COX7B2: variants seen among roughly 807,000 people sequenced by gnomAD.
COX7B2 encodes the protein cytochrome c oxidase subunit 7B2, also known as cytochrome c oxidase subunit 7B2, mitochondrial.
For synonymous variants in COX7B2, 37 were observed against 32.1 expected (o/e 1.15, Z -0.51); for missense variants, 109 against 95.9 (o/e 1.14, Z -0.57).
chr4:46,816,438 T>C (rs933644445), intron 2 of COX7B2, among the ~76,000 whole-genome samples: 2 of 152,290 alleles, frequency 1.3e-5, no homozygotes, highest in Admixed American at 1.3e-4. Context: ...TGAACTGAAG[T>C]TCTTCTTTAA....
chr4:46,907,024 G>A (rs565632037), intron 1 of COX7B2, among the ~76,000 whole-genome samples: 2 of 152,232 alleles, frequency 1.3e-5, no homozygotes, highest in African/African-American at 4.8e-5. Flanking sequence ...TGCCTTTAAC[G>A]TCATCCCTTA....
intron 2 of COX7B2, among the ~76,000 whole-genome samples, chr4:46,759,710 G>C (rs1288177490): frequency 6.6e-6 from 1 of 151,912 alleles, no homozygotes; most frequent in Non-Finnish European, 1.5e-5. Context: ...ATGCTGGAGA[G>C]GATGTGGGGA....
chr4:46,821,665 T>C (rs1714301054), intron 2 of COX7B2, among the ~76,000 whole-genome samples: 1 of 152,236 alleles, frequency 6.6e-6, no homozygotes, highest in South Asian at 2.1e-4. Context: ...GTGTAAACAG[T>C]ATAAAATCTG....
rs200639117 is a variant in COX7B2 at position 46,735,235 on chromosome 4, A to C, written c.-43T>G. The stretch of plus-strand genomic sequence containing the variant: ...TTCAGCTACTGGTCTATTTTGTTGC[A>C]AAGAGGCTGGAAAGAGAGAAAAGAT... On this transcript the variant is annotated 5_prime_UTR_variant, in exon 3 of 3. Coordinates refer to ENST00000355591, the MANE Select transcript of COX7B2 (RefSeq NM_130902.3). The C allele has an allele frequency of 1.1e-5, 17 of 1,606,914 alleles. No homozygotes were observed. The highest frequency in any genetic ancestry group is 6.7e-5 in the South Asian group (6 of 89,668).
At chr4:46,806,986 G>T (rs531405907) in intron 2 of COX7B2, among the ~76,000 whole-genome samples, 1 of 152,086 alleles carries the variant, frequency 6.6e-6, no homozygotes, top group South Asian at 2.1e-4. Flanking sequence ...ACATGGGAGT[G>T]CAGATGTCTT....
intron 2 of COX7B2, among the ~76,000 whole-genome samples, chr4:46,825,025 T>C (rs956467480): frequency 1.3e-5 from 2 of 151,638 alleles, no homozygotes; most frequent in African/African-American, 2.4e-5. Context: ...ATATTGGAAG[T>C]CCTAACAAGA....
chr4:46,839,038 G>T (rs573523208), intron 2 of COX7B2, among the ~76,000 whole-genome samples: 1 of 151,876 alleles, frequency 6.6e-6, no homozygotes, highest in African/African-American at 2.4e-5. Flanking sequence ...TTTATTTTAG[G>T]AATATTTTCT....
intron 2 of COX7B2, among the ~76,000 whole-genome samples, chr4:46,740,308 A>T (rs969276092): frequency 6.6e-6 from 1 of 152,108 alleles, no homozygotes; most frequent in Non-Finnish European, 1.5e-5. Context: ...GTTTCAGGAC[A>T]ATGTTAACTG....
intron 2 of COX7B2, among the ~76,000 whole-genome samples, chr4:46,837,274 T>TACACACACACACACAC (rs33927124): frequency 7.5e-6 from 1 of 133,260 alleles, no homozygotes; most frequent in Non-Finnish European, 1.7e-5. Context: ...CACAAAGACA[T>TACACACACACACACAC]ACACACACAC....
chr4:46,850,767 T>C (rs914156160), intron 1 of COX7B2, among the ~76,000 whole-genome samples: 1 of 152,120 alleles, frequency 6.6e-6, no homozygotes, highest in Non-Finnish European at 1.5e-5. Context: ...GCCAATACTA[T>C]GCTCAGCTAC....
intron 2 of COX7B2, among the ~76,000 whole-genome samples, chr4:46,825,981 T>C (rs1176950752): frequency 6.6e-6 from 1 of 152,178 alleles, no homozygotes; most frequent in African/African-American, 2.4e-5. Context: ...AAAGATTTCA[T>C]GACAAAGATG....
At chr4:46,766,471 G>A (rs1271393424) in intron 2 of COX7B2, among the ~76,000 whole-genome samples, 4 of 151,968 alleles carry the variant, frequency 2.6e-5, no homozygotes, top group African/African-American at 9.7e-5. Flanking sequence ...AAGCCAAGGC[G>A]GGTGGATCAC....
At chr4:46,769,522 C>T (rs551744772) in intron 2 of COX7B2, among the ~76,000 whole-genome samples, 10 of 152,168 alleles carry the variant, frequency 6.6e-5, no homozygotes, top group Admixed American at 3.3e-4. Flanking sequence ...TGGGACCAGC[C>T]TGGCCAATAT....
At chr4:46,763,038 TA>T in intron 2 of COX7B2, among the ~76,000 whole-genome samples, 1 of 132,092 alleles carries the variant, frequency 7.6e-6, no homozygotes, top group Non-Finnish European at 1.6e-5. Context: ...ATATAATATA[TA>T]TTATATATTA....
intron 2 of COX7B2, among the ~76,000 whole-genome samples, chr4:46,756,444 CA>C (rs2109454500): frequency 6.6e-6 from 1 of 151,976 alleles, no homozygotes; most frequent in South Asian, 2.1e-4. Context: ...CAAAAATAGA[CA>C]AATTGAATTT....
At chr4:46,744,140 C>T (rs1714878005) in intron 2 of COX7B2, among the ~76,000 whole-genome samples, 1 of 151,680 alleles carries the variant, frequency 6.6e-6, no homozygotes, top group African/African-American at 2.4e-5. Flanking sequence ...GAAAATTGAC[C>T]CTTCTTGTTT....
intron 2 of COX7B2, among the ~76,000 whole-genome samples, chr4:46,774,541 T>C (rs1717051138): frequency 6.6e-6 from 1 of 152,140 alleles, no homozygotes; most frequent in Admixed American, 6.6e-5. Flanking sequence ...CTATATATCA[T>C]TGGTGGACTG....
intron 2 of COX7B2, among the ~76,000 whole-genome samples, chr4:46,776,443 T>A (rs1577692091): frequency 6.6e-6 from 1 of 151,704 alleles, no homozygotes; most frequent in Admixed American, 6.6e-5. Flanking sequence ...TGTGTGTCTG[T>A]GTGTGTGCAT....
At chr4:46,765,801 G>C (rs1314173969) in intron 2 of COX7B2, among the ~76,000 whole-genome samples, 1 of 151,924 alleles carries the variant, frequency 6.6e-6, no homozygotes, top group African/African-American at 2.4e-5. Flanking sequence ...CAGGATCCAG[G>C]CCCATATTAG....
Sources: allele counts gnomAD v4.1 joint callset (sites outside exome capture counted in the v4.1 genomes callset), GRCh38; gene constraint gnomAD v4.1.1; transcripts MANE v1.5; gene names NCBI Gene and HGNC (gene_info 2026-07-23, HGNC 2026-07-21).